PSD3: variants seen among roughly 807,000 people sequenced by gnomAD.
PSD3 encodes PH and SEC7 domain-containing protein 3.
PSD3 carries 49 observed loss-of-function variants against 105.5 expected under a neutral mutation model. That is an observed-to-expected ratio of 0.46 (90% CI 0.37 to 0.59). The LOEUF is 0.59. Among genes scored for constraint, PSD3 ranks in the 20% least tolerant of loss-of-function variants. The probability of loss-of-function intolerance (pLI) is 0.00; values close to 1 mark genes in which losing one functional copy is unlikely to be tolerated. For synonymous variants in PSD3, 557 were observed against 457.8 expected (o/e 1.22, Z -2.77); for missense variants, 1,561 against 1,263.8 (o/e 1.24, Z -3.57).
intron 1 of PSD3, among the ~76,000 whole-genome samples, chr8:19,006,524 G>T (rs1055681493): frequency 6.6e-6 from 1 of 152,014 alleles, no homozygotes; most frequent in Non-Finnish European, 1.5e-5. Context: ...GTCTAACCAT[G>T]AGAATTTCAC....
chr8:18,990,256 A>C (rs750142218), intron 1 of PSD3, among the ~76,000 whole-genome samples: 1 of 152,260 alleles, frequency 6.6e-6, no homozygotes, highest in African/African-American at 2.4e-5. Context: ...CCATGTTCAC[A>C]GGATAAAATC....
At chr8:18,819,053 G>A (rs1027140076) in intron 4 of PSD3, among the ~76,000 whole-genome samples, 4 of 107,138 alleles carry the variant, frequency 3.7e-5, no homozygotes, top group African/African-American at 1.2e-4. Context: ...TTAAGAAAGT[G>A]AACTGGAGAA....
At chr8:18,949,244 A>AAAAAATATAT (rs1345423514) in intron 1 of PSD3, among the ~76,000 whole-genome samples, 1 of 14,408 alleles carries the variant, frequency 6.9e-5, no homozygotes, top group African/African-American at 1.5e-4. Context: ...AAAAAAAAAA[A>AAAAAATATAT]ATATATATAT....
At chr8:18,935,695 C>A (rs1258564981) in intron 2 of PSD3, among the ~76,000 whole-genome samples, 190 of 136,902 alleles carry the variant, frequency 1.4e-3, no homozygotes, top group Middle Eastern at 3.8e-3. Flanking sequence ...GACTTTGTCT[C>A]AAAAAAAAAA....
chr8:18,640,949 T>G (rs897684005), intron 10 of PSD3, among the ~76,000 whole-genome samples: 40 of 152,180 alleles, frequency 2.6e-4, no homozygotes, highest in Non-Finnish European at 1.2e-4. Context: ...AGTTCTGATT[T>G]CACAGCCTGT....
intron 12 of PSD3, among the ~76,000 whole-genome samples, chr8:18,592,787 G>A (rs1803710145): frequency 6.6e-6 from 1 of 152,004 alleles, no homozygotes; most frequent in African/African-American, 2.4e-5. Flanking sequence ...ATAGACCAAT[G>A]GAACAGAACA....
At chr8:18,736,313 A>G (rs1313648932) in intron 9 of PSD3, among the ~76,000 whole-genome samples, 1 of 152,148 alleles carries the variant, frequency 6.6e-6, no homozygotes, top group East Asian at 1.9e-4. Context: ...CTAAAAAGTA[A>G]AATAATGGTA....
intron 12 of PSD3, among the ~76,000 whole-genome samples, chr8:18,591,500 G>A (rs1035312032): frequency 2.6e-5 from 4 of 152,172 alleles, no homozygotes; most frequent in South Asian, 2.1e-4. Flanking sequence ...GGTAGAGTGT[G>A]TGGCCCTCAT....
At chr8:18,976,943 T>C (rs1824972700) in intron 1 of PSD3, among the ~76,000 whole-genome samples, 1 of 152,172 alleles carries the variant, frequency 6.6e-6, no homozygotes, top group African/African-American at 2.4e-5. Context: ...TACATGCTGA[T>C]AGAGAAAGAT....
chr8:18,988,058 AGTG>A (rs1374294467), intron 1 of PSD3, among the ~76,000 whole-genome samples: 3 of 152,116 alleles, frequency 2.0e-5, no homozygotes, highest in Admixed American at 2.0e-4. Context: ...TGCATTTAAT[AGTG>A]CTTGGCACAA....
intron 9 of PSD3, among the ~76,000 whole-genome samples, chr8:18,675,345 G>C (rs767860919): frequency 6.6e-6 from 1 of 152,190 alleles, no homozygotes; most frequent in African/African-American, 2.4e-5. Context: ...CTAAACTGCA[G>C]CTGAGTGCAA....
At chr8:18,758,488 T>C (rs919971468) in intron 9 of PSD3, among the ~76,000 whole-genome samples, 2 of 151,576 alleles carry the variant, frequency 1.3e-5, no homozygotes, top group Non-Finnish European at 2.9e-5. Context: ...CTTTTTGGGG[T>C]TTGAACTTAC....
intron 11 of PSD3, among the ~76,000 whole-genome samples, chr8:18,613,496 C>T (rs934586697): frequency 6.6e-6 from 1 of 152,156 alleles, no homozygotes; most frequent in Non-Finnish European, 1.5e-5. Context: ...CACCCTTCTA[C>T]GTGTCTGCGA....
At chr8:18,812,738 G>C (rs556847262) in intron 4 of PSD3, among the ~76,000 whole-genome samples, 1 of 152,280 alleles carries the variant, frequency 6.6e-6, no homozygotes, top group Non-Finnish European at 1.5e-5. Context: ...TATCCAAGTA[G>C]GATGTGAGGA....
At chr8:18,612,717 T>G (rs1216419238) in intron 11 of PSD3, among the ~76,000 whole-genome samples, 1 of 152,188 alleles carries the variant, frequency 6.6e-6, no homozygotes, top group Non-Finnish European at 1.5e-5. Context: ...CACCCTTAAC[T>G]GGGAAGAGAG....
At position 18,657,162 on chromosome 8, in the gene PSD3, G is replaced by C. The variant is rs180678151; in HGVS notation, c.2173-1477C>G. Among the ~76,000 whole-genome samples the C allele has an allele frequency of 1.8e-4, 28 of 152,296 alleles. 1 individual carries two copies. Among genetic ancestry groups the C allele is most frequent in the Admixed American group, 1.4e-3 (21 of 15,300 alleles). On this transcript the variant is annotated intron_variant, in intron 9 of 15. Transcript: ENST00000327040. ...AAGGCAGGTTCAGAAAGTTGTCCAA[G>C]CAGCACAGCAGAGCAGAACTGCCTT...
chr8:19,034,886 C>T (rs896528967), intron 1 of PSD3, among the ~76,000 whole-genome samples: 1 of 152,144 alleles, frequency 6.6e-6, no homozygotes, highest in African/African-American at 2.4e-5. Context: ...TCCCTGCCCT[C>T]CCTCTGCATC....
chr8:18,833,134 A>G lies in PSD3; in HGVS notation c.1635-28236T>C, dbSNP rs952877062. 4.6e-5 allele frequency among the ~76,000 whole-genome samples: 7 copies of G among 152,252 alleles called. 1 individual carries two copies. Among genetic ancestry groups the G allele is most frequent in the Admixed American group, 2.6e-4 (4 of 15,286 alleles). ...GCAATAGAACACATAGCCTAGTCTAAGGACATCAGCCTTCCTGGAGAAAGT... is the reference window on the plus strand; with the variant it reads ...GCAATAGAACACATAGCCTAGTCTAGGGACATCAGCCTTCCTGGAGAAAGT... On this transcript the variant is annotated intron_variant, in intron 4 of 15. Coordinates refer to ENST00000327040, the MANE Select transcript of PSD3 (RefSeq NM_015310.4).
At chr8:18,586,070 G>A (rs1482267835) in intron 12 of PSD3, among the ~76,000 whole-genome samples, 1 of 152,074 alleles carries the variant, frequency 6.6e-6, no homozygotes, top group Non-Finnish European at 1.5e-5. Context: ...AGAGGCTGCC[G>A]ACACTGTGCC....
Sources: allele counts gnomAD v4.1 joint callset (sites outside exome capture counted in the v4.1 genomes callset), GRCh38; gene constraint gnomAD v4.1.1; transcripts MANE v1.5; gene names NCBI Gene and HGNC (gene_info 2026-07-23, HGNC 2026-07-21).